The following TENM4 variants were observed in gnomAD, a reference collection of about 807,000 sequenced individuals.
TENM4 encodes the protein teneurin transmembrane protein 4.
TENM4 carries 82 observed loss-of-function variants against 243.3 expected under a neutral mutation model. The observed-to-expected ratio is 0.34, with a 90% CI of 0.28 to 0.40. TENM4 has a LOEUF of 0.40. Among genes scored for constraint, TENM4 ranks in the 10% least tolerant of loss-of-function variants. The probability of loss-of-function intolerance (pLI) is 1.00; values close to 1 mark genes in which losing one functional copy is unlikely to be tolerated. For synonymous variants in TENM4, 1,412 were observed against 1,456.3 expected (o/e 0.97, Z 0.69); for missense variants, 3,138 against 3,673.3 (o/e 0.85, Z 3.77).
intron 6 of TENM4, among the ~76,000 whole-genome samples, chr11:79,046,851 A>C (rs946351298): frequency 2.0e-5 from 3 of 152,168 alleles, no homozygotes; most frequent in Non-Finnish European, 2.9e-5. Context: ...GTACTTCGTG[A>C]CAGCACCCTA....
chr11:79,378,061 T>G (rs576924536), intron 1 of TENM4, among the ~76,000 whole-genome samples: 29 of 152,306 alleles, frequency 1.9e-4, no homozygotes. Context: ...GAATTGACTT[T>G]TCTAGACCCA....
At chr11:78,765,326 T>C (rs1309522125) in intron 18 of TENM4, among the ~76,000 whole-genome samples, 1 of 152,202 alleles carries the variant, frequency 6.6e-6, no homozygotes, top group Non-Finnish European at 1.5e-5. Context: ...CTCTCTTGTC[T>C]CTTATCATGA....
At chr11:78,993,869 T>C (rs1858104195) in intron 6 of TENM4, among the ~76,000 whole-genome samples, 1 of 152,268 alleles carries the variant, frequency 6.6e-6, no homozygotes, top group African/African-American at 2.4e-5. Context: ...AATCTTTCTC[T>C]TGGTTATGAG....
chr11:78,905,861 AG>A (rs902783251), intron 6 of TENM4, among the ~76,000 whole-genome samples: 4 of 152,258 alleles, frequency 2.6e-5, no homozygotes, highest in African/African-American at 9.6e-5. Flanking sequence ...GAGAATGTGC[AG>A]GGTCATTTGT....
chr11:78,771,959 G>A (rs889835386), intron 17 of TENM4, among the ~76,000 whole-genome samples: 2 of 152,138 alleles, frequency 1.3e-5, no homozygotes, highest in Non-Finnish European at 2.9e-5. Flanking sequence ...AATAAGACCC[G>A]TTCTTATTCA....
chr11:79,282,482 A>C (rs1455775733), intron 2 of TENM4, among the ~76,000 whole-genome samples: 1 of 152,252 alleles, frequency 6.6e-6, no homozygotes, highest in Non-Finnish European at 1.5e-5. Context: ...TCTTTACTGC[A>C]GAGAAACTGC....
At chr11:79,222,362 T>G (rs764286199) in intron 2 of TENM4, among the ~76,000 whole-genome samples, 6 of 152,228 alleles carry the variant, frequency 3.9e-5, no homozygotes, top group Non-Finnish European at 7.3e-5. Context: ...TGCATAGTAT[T>G]CCATGGTGTA....
At chr11:78,728,328 A>T (rs1243467743) in intron 22 of TENM4, among the ~76,000 whole-genome samples, 2 of 152,200 alleles carry the variant, frequency 1.3e-5, no homozygotes, top group African/African-American at 4.8e-5. Context: ...TTCTTAATGC[A>T]GAATTTGGGG....
At chr11:79,179,169 TCTC>T (rs1339883278) in intron 3 of TENM4, among the ~76,000 whole-genome samples, 1 of 152,202 alleles carries the variant, frequency 6.6e-6, no homozygotes, top group Non-Finnish European at 1.5e-5. Context: ...TCACCTCACT[TCTC>T]CTCCTTGCCA....
intron 3 of TENM4, among the ~76,000 whole-genome samples, chr11:79,174,187 T>G (rs1410525539): frequency 3.0e-4 from 46 of 152,118 alleles, no homozygotes. Flanking sequence ...CCCCCACAGC[T>G]TATCCTCCCT....
In TENM4 at chr11:78,856,114, C is replaced by T. The variant is rs1291217426; in HGVS notation, c.1320G>A (p.Arg440=). 1.3e-6 allele frequency: 2 copies of T among 1,551,532 alleles called. No homozygotes were observed. The highest frequency in any genetic ancestry group is 1.2e-5 in the South Asian group (1 of 84,060). The change falls in exon 11 of 34, where the codon AGG becomes AGA. Residue 440 remains arginine, a synonymous_variant. Coordinates refer to ENST00000278550, the MANE Select transcript of TENM4 (RefSeq NM_001098816.3). ...CAGGAGGAATCTTCTGGGAAGCTCG[C>T]CTTCCCACATCAATTTCTCCAGAAT... ...FIDSGEIDVG[R]RASQKIPPGT...
chr11:79,152,523 G>A (rs1227568495), intron 3 of TENM4, among the ~76,000 whole-genome samples: 1 of 152,204 alleles, frequency 6.6e-6, no homozygotes, highest in South Asian at 2.1e-4. Flanking sequence ...TATCATGGCT[G>A]TAATTTACAG....
intron 6 of TENM4, among the ~76,000 whole-genome samples, chr11:78,984,755 G>A (rs907177769): frequency 7.2e-5 from 11 of 152,068 alleles, no homozygotes; most frequent in Admixed American, 7.2e-4. Flanking sequence ...CTAGAGCTGT[G>A]CTGTCCAATA....
intron 1 of TENM4, among the ~76,000 whole-genome samples, chr11:79,430,469 C>T (rs893714251): frequency 6.6e-6 from 1 of 152,206 alleles, no homozygotes; most frequent in African/African-American, 2.4e-5. Flanking sequence ...GAGTAACCAC[C>T]TGATGCCTAC....
rs75158447 is a variant in TENM4 at position 79,034,741 on chromosome 11, A to C, written c.493+29997T>G. Among the ~76,000 whole-genome samples, 874 of 152,304 alleles carry C rather than the reference A, an allele frequency of 5.7e-3. 26 individuals carry two copies. In the East Asian group the frequency reaches 0.064, roughly 11 times the overall value. Reference sequence around the variant, plus strand: ...AATGCCTGGATAACAAGGTGAGCACATGGCTGTGGGACTGGCATACGTGGA... The same window carrying C: ...AATGCCTGGATAACAAGGTGAGCACCTGGCTGTGGGACTGGCATACGTGGA... On this transcript the variant is annotated intron_variant, in intron 6 of 33. Coordinates refer to ENST00000278550, the MANE Select transcript of TENM4 (RefSeq NM_001098816.3).
rs140280421 is a variant in TENM4, at chr11:79,099,964, T to C, written c.-65-29955A>G. On this transcript the variant is annotated intron_variant, in intron 4 of 33. Coordinates refer to ENST00000278550, the MANE Select transcript of TENM4 (RefSeq NM_001098816.3). ...TGCCCCAAGTATGGGGAGATGCTGT[T>C]CATAGCAGTTTAGCAGCAGTAAAGG... Among the ~76,000 whole-genome samples, 402 of 152,344 alleles carry C rather than the reference T, an allele frequency of 2.6e-3. 3 individuals carry two copies. The highest frequency in any genetic ancestry group is 9.3e-3 in the African/African-American group (386 of 41,582).
chr11:78,768,283 T>C (rs947279094), intron 18 of TENM4, among the ~76,000 whole-genome samples: 4 of 152,182 alleles, frequency 2.6e-5, no homozygotes, highest in Non-Finnish European at 5.9e-5. Context: ...GAACCCAAGG[T>C]CAAGGACCCT....
intron 4 of TENM4, among the ~76,000 whole-genome samples, chr11:79,132,111 G>A (rs1009537130): frequency 6.6e-6 from 1 of 151,872 alleles, no homozygotes; most frequent in African/African-American, 2.4e-5. Flanking sequence ...GGGAGGCCAA[G>A]GTGGGCGGAT....
At chr11:78,735,838 A>C (rs201319564) in intron 20 of TENM4, among the ~76,000 whole-genome samples, 170 of 131,474 alleles carry the variant, frequency 1.3e-3, no homozygotes, top group Non-Finnish European at 2.0e-3. Flanking sequence ...CTTGGCTCCC[A>C]CCCCTCCCCT....
Sources: gnomAD v4.1 joint callset for allele counts (sites outside exome capture counted in the v4.1 genomes callset) on GRCh38, gnomAD v4.1.1 for gene constraint, MANE v1.5 for transcripts, NCBI Gene and HGNC (gene_info 2026-07-23, HGNC 2026-07-21) for gene names.